CSMD1: variants seen among roughly 807,000 people sequenced by gnomAD.
The protein encoded by CSMD1 is CUB and Sushi multiple domains 1, also known as CUB and sushi domain-containing protein 1.
In CSMD1, 213 loss-of-function variants were observed where a neutral mutation model predicts 417.5. That is an observed-to-expected ratio of 0.51 (90% CI 0.46 to 0.57). The LOEUF is 0.57. Among genes scored for constraint, CSMD1 ranks in the 20% least tolerant of loss-of-function variants. The pLI, the probability that CSMD1 is intolerant of heterozygous loss-of-function variation, is 0.00. For synonymous variants in CSMD1, 2,862 were observed against 1,736.8 expected (o/e 1.65, Z -16.11); for missense variants, 6,923 against 4,529.7 (o/e 1.53, Z -15.17).
intron 1 of CSMD1, among the ~76,000 whole-genome samples, chr8:4,809,983 T>C (rs868793444): frequency 1.3e-5 from 2 of 152,160 alleles, no homozygotes; most frequent in Non-Finnish European, 2.9e-5. Flanking sequence ...AATTACAGTA[T>C]TGTCAGGAAT....
intron 50 of CSMD1, among the ~76,000 whole-genome samples, chr8:3,039,197 AG>A (rs1370288394): frequency 1.4e-5 from 2 of 146,630 alleles, no homozygotes; most frequent in African/African-American, 5.5e-5. Context: ...TGCAGAGTGA[AG>A]GGTCCTGAAT....
chr8:3,952,513 A>C (rs1415409328), intron 5 of CSMD1, among the ~76,000 whole-genome samples: 1 of 152,222 alleles, frequency 6.6e-6, no homozygotes, highest in Non-Finnish European at 1.5e-5. Flanking sequence ...CCACATAAAC[A>C]AAACCTCCTT....
chr8:4,135,351 GAAAGGA>G (rs1563169087), intron 3 of CSMD1, among the ~76,000 whole-genome samples: 23 of 68,688 alleles, frequency 3.3e-4, no homozygotes, highest in East Asian at 1.6e-3. Context: ...GGAAGGAAGG[GAAAGGA>G]GGGAAGGAAG....
intron 3 of CSMD1, among the ~76,000 whole-genome samples, chr8:4,239,546 G>C (rs1350376216): frequency 6.6e-6 from 1 of 152,136 alleles, no homozygotes; most frequent in Admixed American, 6.6e-5. Context: ...AGCAGTTCCA[G>C]CATGTTATGT....
intron 1 of CSMD1, among the ~76,000 whole-genome samples, chr8:4,810,781 C>T (rs980169064): frequency 1.3e-4 from 20 of 152,152 alleles, no homozygotes; most frequent in Middle Eastern, 6.8e-3. Context: ...GAAAGTGCCT[C>T]GCATATCACC....
intron 25 of CSMD1, among the ~76,000 whole-genome samples, chr8:3,291,574 AATT>A (rs1803566487): frequency 6.6e-6 from 1 of 152,082 alleles, no homozygotes; most frequent in Non-Finnish European, 1.5e-5. Context: ...TGTGTCGAGG[AATT>A]TATCCATTTT....
intron 3 of CSMD1, among the ~76,000 whole-genome samples, chr8:4,091,149 C>T (rs561813032): frequency 1.9e-4 from 29 of 152,176 alleles, no homozygotes; most frequent in Non-Finnish European, 2.8e-4. Flanking sequence ...GAATTCCTGA[C>T]CTCAAGTGAT....
intron 2 of CSMD1, among the ~76,000 whole-genome samples, chr8:4,577,691 G>A (rs1012260444): frequency 6.6e-6 from 1 of 152,162 alleles, no homozygotes; most frequent in Non-Finnish European, 1.5e-5. Flanking sequence ...AGGACAAATT[G>A]CTCCTTCAAA....
chr8:3,088,228 C>T (rs936652738), intron 48 of CSMD1, among the ~76,000 whole-genome samples: 8 of 152,330 alleles, frequency 5.3e-5, no homozygotes, highest in African/African-American at 7.2e-5. Context: ...CTTATTTACA[C>T]GTTTAGACAA....
intron 1 of CSMD1, among the ~76,000 whole-genome samples, chr8:4,767,557 C>T (rs565550885): frequency 6.6e-6 from 1 of 152,166 alleles, no homozygotes; most frequent in Non-Finnish European, 1.5e-5. Context: ...CCTGTGTGTT[C>T]TGGGGCCTCT....
intron 1 of CSMD1, among the ~76,000 whole-genome samples, chr8:4,764,684 TAAAAAAA>T (rs35513756): frequency 7.0e-6 from 1 of 142,992 alleles, no homozygotes; most frequent in Non-Finnish European, 1.5e-5. Context: ...AAAAATTTGT[TAAAAAAA>T]AAAAAACCCA....
chr8:4,654,339 G>A lies in CSMD1; in HGVS notation c.86-16781C>T, dbSNP rs142070489. Among the ~76,000 whole-genome samples the A allele has an allele frequency of 7.2e-5, 11 of 152,206 alleles. No individual in the cohort carries two copies. The East Asian group carries it at 1.9e-3, about 27-fold the overall frequency. ...GGGATGTATTGCTTTCTATGCAGACGTAACAACTCCAGCAGTATAATTCCC... is the reference window on the plus strand; with the variant it reads ...GGGATGTATTGCTTTCTATGCAGACATAACAACTCCAGCAGTATAATTCCC... On this transcript the variant is annotated intron_variant, in intron 1 of 69. Transcript: ENST00000635120.
At chr8:4,623,302 C>G (rs755036484) in intron 2 of CSMD1, among the ~76,000 whole-genome samples, 5 of 152,150 alleles carry the variant, frequency 3.3e-5, no homozygotes, top group Non-Finnish European at 7.3e-5. Flanking sequence ...ACTCTACACT[C>G]ATTACAATGA....
rs79173746 is a variant in CSMD1 at position 4,883,407 on chromosome 8, C to G, written c.85+110925G>C. 1.1e-3 allele frequency among the ~76,000 whole-genome samples: 174 copies of G among 152,068 alleles called. 2 individuals are homozygous for G. Among genetic ancestry groups the G allele is most frequent in the African/African-American group, 3.9e-3 (160 of 41,422 alleles). On this transcript the variant is annotated intron_variant, in intron 1 of 69. Transcript: ENST00000635120. The stretch of plus-strand genomic sequence containing the variant: ...CAGTGGTTTTCAGTATATTGAAATG[C>G]AAGATCATCACCACTCTCTCATTTT...
chr8:4,068,102 G>A (rs768213808), intron 3 of CSMD1, among the ~76,000 whole-genome samples: 2 of 151,990 alleles, frequency 1.3e-5, no homozygotes, highest in Non-Finnish European at 2.9e-5. Context: ...AAGAAAAAAA[G>A]GGACACAACA....
rs1812327596 is a variant in CSMD1 at position 3,406,108 on chromosome 8, T to C, written c.2185A>G (p.Lys729Glu). 1 of 1,613,760 alleles carries C rather than the reference T, an allele frequency of 6.2e-7. No individual in the cohort carries two copies. Among genetic ancestry groups the C allele is most frequent in the East Asian group, 2.2e-5 (1 of 44,856 alleles). ...VSFHCDDGFV[K>E]TQGSESITCI... ...GTAATGGACTCGGATCCCTGGGTCT[T>C]GACAAAGCCATCATCACAGTGGAAA... is the stretch of plus-strand genomic sequence containing the variant. The change falls in exon 15 of 70, where the codon AAG becomes GAG. Residue 729 changes from lysine (K) to glutamate (E), a missense_variant. Transcript: ENST00000635120.
intron 5 of CSMD1, among the ~76,000 whole-genome samples, chr8:3,890,965 C>A (rs1806932344): frequency 6.6e-6 from 1 of 152,206 alleles, no homozygotes; most frequent in Admixed American, 6.5e-5. Flanking sequence ...TCTCAATAAC[C>A]TGTGAAATGG....
chr8:4,044,412 C>T (rs1370893938), intron 3 of CSMD1, among the ~76,000 whole-genome samples: 2 of 152,146 alleles, frequency 1.3e-5, no homozygotes, highest in African/African-American at 2.4e-5. Flanking sequence ...TACTTTGTGT[C>T]ATTCCAAGCT....
chr8:3,312,487 G>C (rs1463140448), intron 23 of CSMD1, among the ~76,000 whole-genome samples: 5 of 152,052 alleles, frequency 3.3e-5, no homozygotes, highest in Non-Finnish European at 4.4e-5. Flanking sequence ...AAAGTATTTG[G>C]CCATTCTAGA....
Sources: gnomAD v4.1 joint callset for allele counts (sites outside exome capture counted in the v4.1 genomes callset) on GRCh38, gnomAD v4.1.1 for gene constraint, MANE v1.5 for transcripts, NCBI Gene and HGNC (gene_info 2026-07-23, HGNC 2026-07-21) for gene names.